Variants in NFAT5 observed in about 807,000 individuals in gnomAD.
The protein encoded by NFAT5 is nuclear factor of activated T-cells 5.
A neutral mutation model predicts 166.5 loss-of-function variants in NFAT5; 31 were observed. That is an observed-to-expected ratio of 0.19 (90% CI 0.14 to 0.25). The LOEUF is 0.25. Ranked by LOEUF, NFAT5 falls within the 10% of genes least tolerant of loss-of-function variation. The pLI is 1.00. For synonymous variants in NFAT5, 612 were observed against 639.7 expected (o/e 0.96, Z 0.65); for missense variants, 1,449 against 1,821.8 (o/e 0.80, Z 3.72).
intron 9 of NFAT5, among the ~76,000 whole-genome samples, chr16:69,671,072 C>A (rs1033603105): frequency 2.6e-5 from 4 of 152,126 alleles, no homozygotes; most frequent in African/African-American, 7.2e-5. Flanking sequence ...TTATAATTTC[C>A]TTGTTGTTTT....
At chr16:69,634,735 T>C (rs1356052779) in intron 3 of NFAT5, among the ~76,000 whole-genome samples, 1 of 152,214 alleles carries the variant, frequency 6.6e-6, no homozygotes, top group Non-Finnish European at 1.5e-5. Flanking sequence ...GTTTTATTTA[T>C]TTGTTTATTT....
At position 69,647,064 on chromosome 16, in the gene NFAT5, G is replaced by A; in HGVS notation, c.290G>A (p.Gly97Asp). The change falls in exon 4 of 15, where the codon GGT becomes GAT. Residue 97 changes from glycine to aspartate, a missense_variant. Transcript: ENST00000349945. This position sits in a 1 kb window ranked among gnomAD's most constrained non-coding sequence, Gnocchi z 4.8. ...GCTCCCTCCTCTTCCTCCATGGGCGGTGCTTGCAGCTCCTTTACCACCTCT... is the reference window on the plus strand; with the variant it reads ...GCTCCCTCCTCTTCCTCCATGGGCGATGCTTGCAGCTCCTTTACCACCTCT... Reference protein sequence around the residue: ...SSAPSSSSMGGACSSFTTSSS... With the variant: ...SSAPSSSSMGDACSSFTTSSS... 2 of 1,600,238 alleles carry A rather than the reference G, an allele frequency of 1.2e-6. No homozygotes were observed. Among genetic ancestry groups the A allele is most frequent in the Non-Finnish European group, 8.5e-7 (1 of 1,170,884 alleles).
chr16:69,613,685 C>G (rs2033807893), intron 2 of NFAT5, among the ~76,000 whole-genome samples: 1 of 152,174 alleles, frequency 6.6e-6, no homozygotes, highest in Non-Finnish European at 1.5e-5. Flanking sequence ...CTTCTCAGAT[C>G]CTCCACAGAT....
chr16:69,630,232 C>T (rs2034652280), intron 3 of NFAT5, among the ~76,000 whole-genome samples: 1 of 152,108 alleles, frequency 6.6e-6, no homozygotes. Flanking sequence ...TATGCTGCTT[C>T]TCCAGGGATG....
At chr16:69,684,628 C>A (rs1196985175) in intron 10 of NFAT5, among the ~76,000 whole-genome samples, 1 of 151,924 alleles carries the variant, frequency 6.6e-6, no homozygotes, top group Admixed American at 6.6e-5. Flanking sequence ...AGTGATCACC[C>A]GCCTTGGCTT....
In NFAT5 at chr16:69,692,934, C is replaced by A; in HGVS notation, c.3109C>A (p.Pro1037Thr). 1 of 1,614,162 alleles carries A rather than the reference C, an allele frequency of 6.2e-7. No individual in the cohort carries two copies. The highest frequency in any genetic ancestry group is 2.2e-5 in the East Asian group (1 of 44,884). The change falls in exon 13 of 15, where the codon CCT becomes ACT. Residue 1037 changes from proline to threonine, a missense_variant. Pro to Thr is a conservative substitution (Grantham distance 38, BLOSUM62 -1). Coordinates refer to ENST00000349945, the MANE Select transcript of NFAT5 (RefSeq NM_138713.4). ...VQMQHSGDNQ[P>T]QVNLFSSTKS... The stretch of plus-strand genomic sequence containing the variant: ...AATGCAACATAGTGGGGACAATCAA[C>A]CTCAAGTTAACCTTTTTTCATCCAC...
intron 2 of NFAT5, among the ~76,000 whole-genome samples, chr16:69,613,561 C>T (rs1426672600): frequency 1.3e-5 from 2 of 152,140 alleles, no homozygotes; most frequent in East Asian, 3.9e-4. Flanking sequence ...GATGAAAATA[C>T]TCTTTTTGTT....
At position 69,699,960 on chromosome 16, in the gene NFAT5, G is replaced by A. The variant is rs1347014136; in HGVS notation, c.*3609G>A. Reference sequence around the variant, plus strand: ...ATATTTTGCCTCTAAGCTTGATCATGTTACCTTTATGATTAAAGTATCATG... The same window carrying A: ...ATATTTTGCCTCTAAGCTTGATCATATTACCTTTATGATTAAAGTATCATG... On this transcript the variant is annotated 3_prime_UTR_variant, in exon 15 of 15. Coordinates refer to ENST00000349945, the MANE Select transcript of NFAT5 (RefSeq NM_138713.4). 1 of 151,868 alleles carries A rather than the reference G, an allele frequency of 6.6e-6. No individual in the cohort carries two copies. Among genetic ancestry groups the A allele is most frequent in the Non-Finnish European group, 1.5e-5 (1 of 67,998 alleles). The allele number at this position is 151,868 out of a possible 1,614,324, so 9.4% of individuals were successfully genotyped here.
At chr16:69,686,477 C>T (rs751412639) in intron 11 of NFAT5, among the ~76,000 whole-genome samples, 7 of 152,100 alleles carry the variant, frequency 4.6e-5, no homozygotes, top group Non-Finnish European at 7.4e-5. Flanking sequence ...GAGCTGTGAT[C>T]GTACCACTGC....
At chr16:69,654,794 T>C (rs2035813354) in intron 5 of NFAT5, among the ~76,000 whole-genome samples, 1 of 152,210 alleles carries the variant, frequency 6.6e-6, no homozygotes, top group African/African-American at 2.4e-5. Flanking sequence ...TTTATAGAGA[T>C]GTAGCTGTAC....
chr16:69,582,623 C>T lies in NFAT5; in HGVS notation c.127+14075C>T, dbSNP rs1403143067. ...CTATTTGTTGAAAAGACTTGTTTCC[C>T]CCATTGAATGGTCTTGGCACTCTTG... On this transcript the variant is annotated intron_variant, in intron 2 of 14. Coordinates refer to ENST00000349945, the MANE Select transcript of NFAT5 (RefSeq NM_138713.4). 4.0e-5 allele frequency among the ~76,000 whole-genome samples: 6 copies of T among 149,852 alleles called. No individual in the cohort carries two copies. In the South Asian group the frequency reaches 1.3e-3, roughly 32 times the overall value.
intron 6 of NFAT5, among the ~76,000 whole-genome samples, chr16:69,656,613 C>T (rs1047328493): frequency 4.6e-5 from 7 of 152,002 alleles, no homozygotes; most frequent in African/African-American, 1.2e-4. Context: ...CCACCACACC[C>T]GGCTAATTTT....
intron 2 of NFAT5, among the ~76,000 whole-genome samples, chr16:69,610,019 GAC>G (rs1162062821): frequency 6.7e-6 from 1 of 148,242 alleles, no homozygotes; most frequent in East Asian, 2.2e-4. Flanking sequence ...GAGAGAGAGA[GAC>G]AGATAGAGCG....
intron 2 of NFAT5, among the ~76,000 whole-genome samples, chr16:69,614,231 C>T (rs957818618): frequency 6.6e-6 from 1 of 151,784 alleles, no homozygotes; most frequent in Non-Finnish European, 1.5e-5. Context: ...TCACAGCTCA[C>T]TACAGCCTTG....
intron 3 of NFAT5, among the ~76,000 whole-genome samples, chr16:69,630,023 A>G (rs1292342600): frequency 6.7e-6 from 1 of 150,296 alleles, no homozygotes; most frequent in Non-Finnish European, 1.5e-5. Context: ...TGCAACCTCC[A>G]CCTCCCAGGT....
chr16:69,629,383 T>C lies in NFAT5; in HGVS notation c.253+2855T>C, dbSNP rs1035696267. Among the ~76,000 whole-genome samples the C allele has an allele frequency of 1.4e-4, 21 of 152,324 alleles. No individual in the cohort carries two copies. The South Asian group carries it at 3.7e-3, about 27-fold the overall frequency. ...CTGTTACTAAGGGAATAAGTAAATATGATGCTGCTAATCCACAATCCAGAA... is the reference window on the plus strand; with the variant it reads ...CTGTTACTAAGGGAATAAGTAAATACGATGCTGCTAATCCACAATCCAGAA... On this transcript the variant is annotated intron_variant, in intron 3 of 14. Transcript: ENST00000349945.
chr16:69,670,167 A>G, intron 8 of NFAT5, 56 bp downstream of exon 8: 1 of 1,588,688 alleles, frequency 6.3e-7, no homozygotes, highest in Middle Eastern at 1.7e-4. Context: ...TGTTATATGG[A>G]TATAGTCATA....
At chr16:69,578,644 A>G (rs1406824918) in intron 2 of NFAT5, among the ~76,000 whole-genome samples, 1 of 152,204 alleles carries the variant, frequency 6.6e-6, no homozygotes, top group Non-Finnish European at 1.5e-5. Flanking sequence ...TATCCTTTAC[A>G]ATGGAGTTGT....
At chr16:69,602,175 A>T (rs2033163957) in intron 2 of NFAT5, among the ~76,000 whole-genome samples, 1 of 152,172 alleles carries the variant, frequency 6.6e-6, no homozygotes, top group East Asian at 1.9e-4. Context: ...ATCATTATTT[A>T]AAAATTTTCT....
Sources: allele counts gnomAD v4.1 joint callset (sites outside exome capture counted in the v4.1 genomes callset), GRCh38; gene constraint gnomAD v4.1.1; non-coding constraint Gnocchi (gnomAD v3.1); transcripts MANE v1.5; gene names NCBI Gene and HGNC (gene_info 2026-07-23, HGNC 2026-07-21).